Variants in PIK3C2G observed in about 807,000 individuals in gnomAD.
PIK3C2G encodes phosphatidylinositol-4-phosphate 3-kinase catalytic subunit type 2 gamma, also known as phosphatidylinositol 3-kinase C2 domain-containing subunit gamma.
In PIK3C2G, 168 loss-of-function variants were observed where a neutral mutation model predicts 181.1. The ratio of observed to expected loss-of-function variants is 0.93; its 90% CI spans 0.82 to 1.05. PIK3C2G has a LOEUF of 1.05. Among genes scored for constraint, PIK3C2G ranks in the 50% least tolerant of loss-of-function variants. PIK3C2G has a pLI of 0.00. For missense variants in PIK3C2G, 1,869 were observed against 1,732.8 expected, an observed-to-expected ratio of 1.08 and a Z score of -1.40; for synonymous variants, 573 against 592.2, an observed-to-expected ratio of 0.97 and a Z score of 0.47.
the PIK3C2G span, chr12:18,685,683 G>T: frequency 3.9e-6 from 2 of 513,224 alleles, no homozygotes; most frequent in Admixed American, 2.0e-5. Flanking sequence ...AATTTCATGG[G>T]GTACAGAGGC....
At chr12:18,559,399 A>C (rs1945177543) in intron 26 of PIK3C2G, among the ~76,000 whole-genome samples, 1 of 152,072 alleles carries the variant, frequency 6.6e-6, no homozygotes, top group Non-Finnish European at 1.5e-5. Context: ...ATTTGGACAG[A>C]AGGAAGCTAA....
chr12:18,389,205 T>C (rs911118609), intron 14 of PIK3C2G, among the ~76,000 whole-genome samples: 1 of 151,948 alleles, frequency 6.6e-6, no homozygotes, highest in Non-Finnish European at 1.5e-5. Context: ...ACAAAAAAAT[T>C]AGCTGGGTGT....
At chr12:18,302,682 G>A (rs1432142054) in intron 5 of PIK3C2G, among the ~76,000 whole-genome samples, 7 of 152,120 alleles carry the variant, frequency 4.6e-5, no homozygotes, top group Non-Finnish European at 8.8e-5. Flanking sequence ...TTGCTGGTGT[G>A]TTTCAGGCAT....
chr12:18,530,351 T>C (rs1943483131), intron 24 of PIK3C2G, among the ~76,000 whole-genome samples: 1 of 152,286 alleles, frequency 6.6e-6, no homozygotes, highest in East Asian at 1.9e-4. Context: ...TATCAATAAT[T>C]CATTTTTCTT....
intron 31 of PIK3C2G, among the ~76,000 whole-genome samples, chr12:18,633,921 T>A (rs767860465): frequency 6.6e-6 from 1 of 152,202 alleles, no homozygotes; most frequent in South Asian, 2.1e-4. Flanking sequence ...ATTTGCTTGT[T>A]ACTCACTGGG....
intron 18 of PIK3C2G, among the ~76,000 whole-genome samples, chr12:18,439,997 C>T (rs1270557522): frequency 6.6e-6 from 1 of 152,116 alleles, no homozygotes; most frequent in African/African-American, 2.4e-5. Context: ...TAGGATCTAC[C>T]TCACTGTACC....
intron 29 of PIK3C2G, among the ~76,000 whole-genome samples, chr12:18,589,196 A>G (rs1946944815): frequency 6.6e-6 from 1 of 152,016 alleles, no homozygotes; most frequent in Non-Finnish European, 1.5e-5. Flanking sequence ...TTTTAAAAAA[A>G]GAAAGAAGAT....
At chr12:18,650,345 ATATGTGTGTGTGTG>A (rs1359721206), downstream of PIK3C2G, among the ~76,000 whole-genome samples, 17 of 127,730 alleles carry the variant, frequency 1.3e-4, no homozygotes, top group South Asian at 2.9e-3. Flanking sequence ...ATATATATAT[ATATGTGTGTGTGTG>A]TGTGTGTGTG....
At chr12:18,482,843 C>A (rs1477612533) in intron 18 of PIK3C2G, among the ~76,000 whole-genome samples, 1 of 152,158 alleles carries the variant, frequency 6.6e-6, no homozygotes, top group Non-Finnish European at 1.5e-5. Context: ...GGGCTAATGA[C>A]TCATGACTCT....
intron 18 of PIK3C2G, among the ~76,000 whole-genome samples, chr12:18,442,403 C>G (rs1565727547): frequency 7.1e-6 from 1 of 140,520 alleles, no homozygotes; most frequent in Non-Finnish European, 1.5e-5. Flanking sequence ...GCAATCAAAT[C>G]TGAAAAGAAC....
At chr12:18,372,450 G>T (rs954477377) in intron 13 of PIK3C2G, 3 of 152,306 alleles carry the variant, frequency 2.0e-5, no homozygotes, top group African/African-American at 7.2e-5. Flanking sequence ...ATAAGAAACA[G>T]TTTATCCCTA....
intron 1 of PIK3C2G, among the ~76,000 whole-genome samples, chr12:18,255,268 C>T (rs983845219): frequency 6.6e-5 from 10 of 150,658 alleles, no homozygotes; most frequent in African/African-American, 2.2e-4. Context: ...AACAAACAAA[C>T]AAATAAATGA....
Position 18,442,844 on chromosome 12 carries a change from A to G in PIK3C2G, c.2504+18805A>G, listed in dbSNP as rs1293531790. On this transcript the variant is annotated intron_variant, in intron 18 of 32. Coordinates refer to ENST00000538779, the MANE Select transcript of PIK3C2G (RefSeq NM_001288772.2). The stretch of plus-strand genomic sequence containing the variant: ...GAGTTAGATCTGAATCATTCGGTCT[A>G]CAAGTTCCTCTGTATGGTCAATATC... Among the ~76,000 whole-genome samples, 5 of 152,140 alleles carry G rather than the reference A, an allele frequency of 3.3e-5. 1 individual carries two copies. In the East Asian group the frequency reaches 5.8e-4, roughly 18 times the overall value.
chr12:18,267,510 A>G (rs1948554534), intron 1 of PIK3C2G, among the ~76,000 whole-genome samples: 1 of 152,088 alleles, frequency 6.6e-6, no homozygotes, highest in South Asian at 2.1e-4. Context: ...ATATTAACAC[A>G]TTTTTCCCAA....
At chr12:18,544,154 T>G (rs1475006395) in intron 25 of PIK3C2G, among the ~76,000 whole-genome samples, 1 of 151,748 alleles carries the variant, frequency 6.6e-6, no homozygotes, top group Admixed American at 6.6e-5. Flanking sequence ...GAGAAAAATG[T>G]ATGTGTGGAG....
intron 9 of PIK3C2G, among the ~76,000 whole-genome samples, chr12:18,339,847 C>T (rs1331413091): frequency 1.3e-5 from 2 of 151,846 alleles, no homozygotes; most frequent in Non-Finnish European, 2.9e-5. Flanking sequence ...GGAGGTATAC[C>T]ACAAAAATAT....
At chr12:18,294,287 A>G (rs954944881) in intron 5 of PIK3C2G, among the ~76,000 whole-genome samples, 18 of 152,042 alleles carry the variant, frequency 1.2e-4, no homozygotes, top group African/African-American at 3.6e-4. Flanking sequence ...GGTAGCCCTC[A>G]GGATGTAGGA....
In PIK3C2G at chr12:18,503,325, C is replaced by T. The variant is rs201569993; in HGVS notation, c.3061C>T (p.His1021Tyr). ...VPDAVTLAKI[H>Y]RHSGLIGPLK... ...TGATGCTGTGACCCTAGCAAAGATT[C>T]ATCGCCATTCTGGACTGATAGGACC... Residue 1021 changes from histidine to tyrosine, a missense_variant, in exon 23 of 33, where the codon CAT becomes TAT. Transcript: ENST00000538779. The T allele has an allele frequency of 9.4e-4, 1,508 of 1,611,616 alleles. 2 individuals are homozygous for T. Among genetic ancestry groups the T allele is most frequent in the South Asian group, 1.5e-3 (138 of 90,766 alleles).
chr12:18,247,730 G>A (rs1948054769), exon 1 of PIK3C2G: 2 of 152,174 alleles, frequency 1.3e-5, no homozygotes, highest in African/African-American at 2.4e-5. Context: ...CTGACAAAAG[G>A]AAGGGAAGAT....
Sources: gnomAD v4.1 joint callset for allele counts (sites outside exome capture counted in the v4.1 genomes callset) on GRCh38, gnomAD v4.1.1 for gene constraint, MANE v1.5 for transcripts, NCBI Gene and HGNC (gene_info 2026-07-23, HGNC 2026-07-21) for gene names.